Variants in TET3 observed in about 807,000 individuals in gnomAD.
TET3 encodes the protein methylcytosine dioxygenase TET3.
A neutral mutation model predicts 141.4 loss-of-function variants in TET3; 19 were observed. The ratio of observed to expected loss-of-function variants is 0.13; its 90% CI spans 0.09 to 0.20. TET3 has a LOEUF of 0.20. Among genes scored for constraint, TET3 ranks in the 10% least tolerant of loss-of-function variants. TET3 has a pLI of 1.00. For missense variants in TET3, 1,874 were observed against 2,356.9 expected, an observed-to-expected ratio of 0.80 and a Z score of 4.24; for synonymous variants, 1,043 against 980.9, an observed-to-expected ratio of 1.06 and a Z score of -1.18.
intron 2 of TET3, among the ~76,000 whole-genome samples, chr2:73,992,677 G>A (rs933211763): frequency 6.6e-6 from 1 of 152,158 alleles, no homozygotes; most frequent in Non-Finnish European, 1.5e-5. Flanking sequence ...AACTCATGGT[G>A]AATTACAATT....
chr2:74,086,893 G>T (rs1430165260), intron 6 of TET3, among the ~76,000 whole-genome samples: 1 of 149,960 alleles, frequency 6.7e-6, no homozygotes, highest in Non-Finnish European at 1.5e-5. Context: ...TCACGTTGTT[G>T]TACAAGCATC....
At chr2:74,129,338 A>C in the TET3 span, among the ~76,000 whole-genome samples, 22 of 149,390 alleles carry the variant, frequency 1.5e-4, no homozygotes, top group African/African-American at 5.2e-4. Context: ...AAAAAAAAAA[A>C]AAAAAAAAAC....
At chr2:74,061,363 TG>T (rs1221512572) in intron 4 of TET3, among the ~76,000 whole-genome samples, 1 of 81,856 alleles carries the variant, frequency 1.2e-5, no homozygotes, top group East Asian at 5.2e-4. Flanking sequence ...GCTGGCCGGG[TG>T]GGGGGCTGAC....
the TET3 span, among the ~76,000 whole-genome samples, chr2:74,117,550 T>A: frequency 2.0e-5 from 3 of 152,024 alleles, no homozygotes; most frequent in African/African-American, 7.2e-5. Flanking sequence ...CTTTTGATCC[T>A]AAAAAATGTC....
the TET3 span, chr2:74,121,365 G>A: frequency 6.6e-6 from 1 of 152,152 alleles, no homozygotes; most frequent in East Asian, 1.9e-4. Context: ...TGTAGCGATT[G>A]GGCAACAGGT....
At chr2:74,034,123 G>A (rs1686898489) in intron 3 of TET3, among the ~76,000 whole-genome samples, 1 of 150,618 alleles carries the variant, frequency 6.6e-6, no homozygotes, top group African/African-American at 2.4e-5. Context: ...AAAGAGACTT[G>A]CCCAATGTGA....
At position 74,048,465 on chromosome 2, in the gene TET3, G is replaced by C. The variant is rs1465716192; in HGVS notation, c.2494+54G>C. 10 of 1,515,788 alleles carry C rather than the reference G, an allele frequency of 6.6e-6. No individual in the cohort carries two copies. The East Asian group carries it at 2.3e-4, about 35-fold the overall frequency. The allele number at this position is 1,515,788 out of a possible 1,614,324, so 93.9% of individuals were successfully genotyped here. On this transcript the variant is annotated intron_variant, in intron 4 of 11. Transcript: ENST00000409262. ...CAGAGAAAGGGCTGTGGCCTGGTGAGCTAGGATTTCTAGGCCCTGCCTTTC... is the reference window on the plus strand; with the variant it reads ...CAGAGAAAGGGCTGTGGCCTGGTGACCTAGGATTTCTAGGCCCTGCCTTTC...
chr2:73,990,567 A>C (rs1337118618), intron 2 of TET3, among the ~76,000 whole-genome samples: 1 of 152,200 alleles, frequency 6.6e-6, no homozygotes, highest in African/African-American at 2.4e-5. Context: ...TTAGAGTAGG[A>C]GAATGACCCT....
At chr2:73,991,557 C>CT (rs1313760618) in intron 2 of TET3, among the ~76,000 whole-genome samples, 5 of 152,076 alleles carry the variant, frequency 3.3e-5, no homozygotes, top group Non-Finnish European at 5.9e-5. Flanking sequence ...CCTGTTCAGT[C>CT]TGTCAACCAT....
chr2:74,034,517 G>A (rs1056553073), intron 3 of TET3, among the ~76,000 whole-genome samples: 3 of 146,626 alleles, frequency 2.0e-5, no homozygotes, highest in Non-Finnish European at 4.5e-5. Context: ...ATTTAATTTT[G>A]CTTGCTTGTT....
In TET3 at chr2:74,087,993, G is replaced by A. The variant is rs372079236; in HGVS notation, c.2843G>A (p.Arg948Gln). The change falls in exon 7 of 12, where the codon CGG becomes CAG. Residue 948 changes from arginine to glutamine, a missense_variant. This residue lies in a region of TET3 where 126 missense variants were observed against 327.4 expected (regional missense o/e 0.38). Coordinates refer to ENST00000409262, the MANE Select transcript of TET3 (RefSeq NM_001287491.2). This position sits in a 1 kb window ranked among gnomAD's most constrained non-coding sequence, Gnocchi z 4.3. Reference sequence around the variant, plus strand: ...TACCAGGAGCTCACCGACACCCTCCGGAAGTATGGGAACCCCACCAGCCGG... The same window carrying A: ...TACCAGGAGCTCACCGACACCCTCCAGAAGTATGGGAACCCCACCAGCCGG... ...TLYQELTDTLRKYGNPTSRRC... is the reference protein window; with the variant it reads ...TLYQELTDTLQKYGNPTSRRC... The A allele has an allele frequency of 1.7e-5, 26 of 1,562,184 alleles. No individual in the cohort carries two copies. Among genetic ancestry groups the A allele is most frequent in the East Asian group, 7.2e-5 (3 of 41,470 alleles).
At chr2:74,045,456 ATT>A (rs1687565533) in intron 3 of TET3, among the ~76,000 whole-genome samples, 1 of 152,120 alleles carries the variant, frequency 6.6e-6, no homozygotes, top group South Asian at 2.1e-4. Flanking sequence ...TGCAAACTCA[ATT>A]TCACATCTTT....
chr2:74,086,791 T>TTAAAAAA (rs1690182481), intron 6 of TET3, among the ~76,000 whole-genome samples: 2 of 94,056 alleles, frequency 2.1e-5, no homozygotes, highest in South Asian at 7.5e-4. Context: ...ACCCTGACTC[T>TTAAAAAA]AAAAAAAAAA....
At chr2:74,127,741 G>A in the TET3 span, among the ~76,000 whole-genome samples, 8 of 151,690 alleles carry the variant, frequency 5.3e-5, no homozygotes, top group Non-Finnish European at 1.0e-4. Context: ...CGGAAAAATA[G>A]CTTAATAGGT....
At position 74,003,091 on chromosome 2, in the gene TET3, C is replaced by T. The variant is rs1684950447; in HGVS notation, c.304-19C>T. On this transcript the variant is annotated intron_variant, in intron 2 of 11. Transcript: ENST00000409262. ...CTGGTACCCGCCTGGCTCACACGTT[C>T]CTCTGGCTTCTTTTGCAGGTGGAAA... is the stretch of plus-strand genomic sequence containing the variant. 8 of 1,550,384 alleles carry T rather than the reference C, an allele frequency of 5.2e-6. No individual in the cohort carries two copies. The highest frequency in any genetic ancestry group is 6.1e-6 in the Non-Finnish European group (7 of 1,146,960).
chr2:74,006,674 C>G (rs1685165073), intron 3 of TET3, among the ~76,000 whole-genome samples: 1 of 152,240 alleles, frequency 6.6e-6, no homozygotes, highest in African/African-American at 2.4e-5. Flanking sequence ...AATGGTTTGG[C>G]TGGATGGGGG....
intron 4 of TET3, among the ~76,000 whole-genome samples, chr2:74,052,117 T>C (rs1392073797): frequency 6.6e-6 from 1 of 152,144 alleles, no homozygotes; most frequent in Non-Finnish European, 1.5e-5. Flanking sequence ...GTAGCTGGGA[T>C]TACAGGCACC....
intron 4 of TET3, among the ~76,000 whole-genome samples, chr2:74,070,507 C>T (rs1689147371): frequency 6.6e-6 from 1 of 152,194 alleles, no homozygotes; most frequent in Admixed American, 6.5e-5. Flanking sequence ...ACAGCTAGAC[C>T]ATATCATCTG....
chr2:74,034,128 A>G (rs1472437546), intron 3 of TET3, among the ~76,000 whole-genome samples: 1 of 151,754 alleles, frequency 6.6e-6, no homozygotes, highest in African/African-American at 2.4e-5. Context: ...GACTTGCCCA[A>G]TGTGAGGTTG....
Sources: gnomAD v4.1 joint callset for allele counts (sites outside exome capture counted in the v4.1 genomes callset) on GRCh38, gnomAD v4.1.1 for gene constraint, gnomAD v4.1.1 regional missense constraint, Gnocchi (gnomAD v3.1) non-coding constraint, MANE v1.5 for transcripts, NCBI Gene and HGNC (gene_info 2026-07-23, HGNC 2026-07-21) for gene names.